Variants in S1PR5 observed in about 807,000 individuals in gnomAD.
The protein encoded by S1PR5 is sphingosine-1-phosphate receptor 5, also known as sphingosine 1-phosphate receptor 5.
For missense variants in S1PR5, 583 were observed against 571.7 expected (o/e 1.02, Z -0.20); for synonymous variants, 307 against 284.7 (o/e 1.08, Z -0.79).
chr19:10,515,276 C>A (rs543887630), intron 1 of S1PR5, among the ~76,000 whole-genome samples: 3 of 152,078 alleles, frequency 2.0e-5, no homozygotes, highest in Admixed American at 1.3e-4. Flanking sequence ...TGGCTGGGCG[C>A]GGTGGTTCAC....
At chr19:10,517,820 C>A (rs1261278688), upstream of S1PR5, 1 of 464,514 alleles carries the variant, frequency 2.2e-6, no homozygotes, top group East Asian at 1.5e-4. Context: ...CATTGCCCAC[C>A]CACCTGTGAA....
rs759766791 is a variant in S1PR5, at chr19:10,514,067, G to T, written c.945C>A (p.His315Gln). Reference protein sequence around the residue: ...IYTLTNRDLRHALLRLVCCGR... With the variant: ...IYTLTNRDLRQALLRLVCCGR... ...CGCAGCAGACCAGGCGCAGGAGCGC[G>T]TGGCGCAGGTCGCGGTTGGTGAGCG... The change falls in exon 2 of 2, where the codon CAC becomes CAA. Residue 315 changes from histidine (H) to glutamine (Q), a missense_variant. Coordinates refer to ENST00000333430, the MANE Select transcript of S1PR5 (RefSeq NM_030760.5). The T allele has an allele frequency of 1.5e-5, 24 of 1,612,372 alleles. No homozygotes were observed. The East Asian group carries it at 4.9e-4, about 33-fold the overall frequency.
At position 10,513,939 on chromosome 19, in the gene S1PR5, C is replaced by T. The variant is rs769745882; in HGVS notation, c.1073G>A (p.Gly358Glu). The T allele has an allele frequency of 1.2e-6, 2 of 1,602,904 alleles. No individual in the cohort carries two copies. Among genetic ancestry groups the T allele is most frequent in the Admixed American group, 1.7e-5 (1 of 58,384 alleles). ...LRRCLPPGLDGSFSGSERSSP... is the reference protein window; with the variant it reads ...LRRCLPPGLDESFSGSERSSP... ...TGAGCGCTCCGAGCCGCTGAAGCTC[C>T]CATCAAGGCCCGGGGGCAGGCAGCG... The change falls in exon 2 of 2, where the codon GGG becomes GAG. Residue 358 changes from glycine to glutamate, a missense_variant. By Grantham distance (98) the Gly-to-Glu change is moderately conservative. Transcript: ENST00000333430.
intron 1 of S1PR5, among the ~76,000 whole-genome samples, chr19:10,516,447 A>G (rs1915439542): frequency 6.6e-6 from 1 of 151,902 alleles, no homozygotes; most frequent in Non-Finnish European, 1.5e-5. Flanking sequence ...CTCTACAAAA[A>G]AATTTAAAAA....
Position 10,514,917 on chromosome 19 carries a change from G to T in S1PR5, c.95C>A (p.Pro32Gln), listed in dbSNP as rs1315399981. The change falls in exon 2 of 2, where the codon CCG becomes CAG. Residue 32 changes from proline to glutamine, a missense_variant. Pro to Gln is a moderately conservative substitution (Grantham distance 76, BLOSUM62 -1). Transcript: ENST00000333430. ...TGKLRGARYQ[P>Q]GAGLRADAVV... ...GGCGTCGGCGCGCAGGCCGGCACCC[G>T]GCTGGTAGCGCGCACCGCGGAGCTT... 1 of 1,610,196 alleles carries T rather than the reference G, an allele frequency of 6.2e-7. No individual in the cohort carries two copies. The highest frequency in any genetic ancestry group is 1.1e-5 in the South Asian group (1 of 90,936).
At chr19:10,515,526 T>A (rs1472594301) in intron 1 of S1PR5, among the ~76,000 whole-genome samples, 1 of 151,878 alleles carries the variant, frequency 6.6e-6, no homozygotes, top group Admixed American at 6.6e-5. Context: ...GGCAGAAGAA[T>A]CATTTGAACC....
Position 10,513,437 on chromosome 19 carries a change from G to A in S1PR5, c.*378C>T. 1 of 484,222 alleles carries A rather than the reference G, an allele frequency of 2.1e-6. No homozygotes were observed. The highest frequency in any genetic ancestry group is 3.6e-6 in the Non-Finnish European group (1 of 278,640). 30.0% of individuals were successfully genotyped at this position (484,222 alleles called of 1,614,324 possible). ...AACACATGGGCACATTTCAGCCTCA[G>A]GGCCTTTGCGCATGCCATTCCCTCA... On this transcript the variant is annotated 3_prime_UTR_variant, in exon 2 of 2. Coordinates refer to ENST00000333430, the MANE Select transcript of S1PR5 (RefSeq NM_030760.5).
chr19:10,515,543 G>A (rs1160781706), intron 1 of S1PR5, among the ~76,000 whole-genome samples: 2 of 152,210 alleles, frequency 1.3e-5, no homozygotes, highest in Non-Finnish European at 2.9e-5. Flanking sequence ...AACCCAGGAG[G>A]CGGAGGTTGC....
Position 10,514,780 on chromosome 19 carries a change from G to A in S1PR5, c.232C>T (p.Leu78Phe). The A allele has an allele frequency of 6.2e-7, 1 of 1,613,202 alleles. No individual in the cohort carries two copies. The highest frequency in any genetic ancestry group is 1.7e-5 in the Admixed American group (1 of 59,932). ...HAPMFLLLGS[L>F]TLSDLLAGAA... Reference sequence around the variant, plus strand: ...CCTGCCAGCAGATCCGACAACGTGAGGCTGCCCAGGAGCAGGAACATGGGA... The same window carrying A: ...CCTGCCAGCAGATCCGACAACGTGAAGCTGCCCAGGAGCAGGAACATGGGA... Residue 78 changes from leucine (L) to phenylalanine (F), a missense_variant, in exon 2 of 2, where the codon CTC (leucine) becomes TTC (phenylalanine). Leu to Phe is a conservative substitution (Grantham distance 22). Transcript: ENST00000333430.
chr19:10,517,425 A>C lies in S1PR5; in HGVS notation c.-46T>G, dbSNP rs1915465295. 1.0e-6 allele frequency: 1 copy of C among 985,486 alleles called. No homozygotes were observed. Among genetic ancestry groups the C allele is most frequent in the Non-Finnish European group, 1.2e-6 (1 of 830,088 alleles). 61.0% of individuals were successfully genotyped at this position (985,486 alleles called of 1,614,324 possible). A position where few individuals can be genotyped will look rare whatever the true frequency, so the allele number is the denominator to read the frequency against. ...TGCGCCCTGGTCGTGCGCCACCCGCAGTCGCGCTGCCTTGAACCGAGTGAG... is the reference window on the plus strand; with the variant it reads ...TGCGCCCTGGTCGTGCGCCACCCGCCGTCGCGCTGCCTTGAACCGAGTGAG... On this transcript the variant is annotated 5_prime_UTR_variant, in exon 1 of 2. Transcript: ENST00000333430.
rs138019257 is a variant in S1PR5, at chr19:10,514,908, C to T, written c.104G>A (p.Gly35Asp). The change falls in exon 2 of 2, where the codon GGC (glycine) becomes GAC (aspartate). Residue 35 changes from glycine (G) to aspartate (D), a missense_variant. Physicochemically the swap from Gly to Asp is moderately conservative, Grantham distance 94 (BLOSUM62 -1). Coordinates refer to ENST00000333430, the MANE Select transcript of S1PR5 (RefSeq NM_030760.5). ...LRGARYQPGA[G>D]LRADAVVCLA... is the part of the protein sequence containing the mutation. ...GCACACCACGGCGTCGGCGCGCAGG[C>T]CGGCACCCGGCTGGTAGCGCGCACC... is the stretch of plus-strand genomic sequence containing the variant. 47 of 1,610,650 alleles carry T rather than the reference C, an allele frequency of 2.9e-5. No homozygotes were observed. Among genetic ancestry groups the T allele is most frequent in the Non-Finnish European group, 3.9e-5 (46 of 1,178,920 alleles).
chr19:10,514,891 C>A lies in S1PR5; in HGVS notation c.121G>T (p.Val41Leu). Residue 41 changes from valine (V) to leucine (L), a missense_variant, in exon 2 of 2, where the codon GTG becomes TTG. Transcript: ENST00000333430. ...AAGGCGCACACCGCCAGGCACACCA[C>A]GGCGTCGGCGCGCAGGCCGGCACCC... ...QPGAGLRADA[V>L]VCLAVCAFIV... 2 of 1,611,666 alleles carry A rather than the reference C, an allele frequency of 1.2e-6. No homozygotes were observed. The highest frequency in any genetic ancestry group is 1.7e-6 in the Non-Finnish European group (2 of 1,179,096).
At chr19:10,517,364 CA>C in intron 1 of S1PR5, 33 bp downstream of exon 1, 1 of 985,410 alleles carries the variant, frequency 1.0e-6, no homozygotes, top group Non-Finnish European at 1.2e-6. Context: ...AGGCCCAGCC[CA>C]GCGCCCCCAA....
At position 10,515,042 on chromosome 19, in the gene S1PR5, C is replaced by G; in HGVS notation, c.-18-13G>C. 6.6e-7 allele frequency: 1 copy of G among 1,519,722 alleles called. No individual in the cohort carries two copies. Among genetic ancestry groups the G allele is most frequent in the South Asian group, 1.3e-5 (1 of 78,538 alleles). 94.1% of individuals were successfully genotyped at this position (1,519,722 alleles called of 1,614,324 possible). The stretch of plus-strand genomic sequence containing the variant: ...GCGCGCCCCAAGGCTGTTGGAGAGG[C>G]AAGATACGGTGTCAGGCCGCGGTCC... On this transcript the variant is annotated splice_polypyrimidine_tract_variant and intron_variant, in intron 1 of 1. Transcript: ENST00000333430.
At chr19:10,516,017 G>A (rs1915430298) in intron 1 of S1PR5, among the ~76,000 whole-genome samples, 1 of 151,980 alleles carries the variant, frequency 6.6e-6, no homozygotes. Context: ...AACACACACA[G>A]AAAGAGACAC....
Position 10,513,690 on chromosome 19 carries a change from C to T in S1PR5, c.*125G>A, listed in dbSNP as rs1915341030. On this transcript the variant is annotated 3_prime_UTR_variant, in exon 2 of 2. Coordinates refer to ENST00000333430, the MANE Select transcript of S1PR5 (RefSeq NM_030760.5). ...TCTGTTTGTTCACATTGTGGGGTGT[C>T]GCTGCATAAATACATTTCCCCTGCA... 2 of 1,336,210 alleles carry T rather than the reference C, an allele frequency of 1.5e-6. No individual in the cohort carries two copies. Among genetic ancestry groups the T allele is most frequent in the African/African-American group, 1.5e-5 (1 of 66,242 alleles). The allele number at this position is 1,336,210 out of a possible 1,614,324, so 82.8% of individuals were successfully genotyped here. A position where few individuals can be genotyped will look rare whatever the true frequency, so the allele number is the denominator to read the frequency against.
In S1PR5 at chr19:10,514,578, ACGGGCG is replaced by A; in HGVS notation, c.428_433del (p.Ala143_Pro144del). 6.3e-7 allele frequency: 1 copy of A among 1,576,920 alleles called. No individual in the cohort carries two copies. Among genetic ancestry groups the A allele is most frequent in the South Asian group, 1.1e-5 (1 of 87,372 alleles). ...CGCCAGCGTGCGCCCCCGACTGGAGACGGGCGCGGGCCCCCTGCGCGCCATGGTGAG... is the reference window on the plus strand; with the variant it reads ...CGCCAGCGTGCGCCCCCGACTGGAGACGGGCCCCCTGCGCGCCATGGTGAG... On this transcript the variant is annotated inframe_deletion, in exon 2 of 2. Coordinates refer to ENST00000333430, the MANE Select transcript of S1PR5 (RefSeq NM_030760.5).
chr19:10,514,327 G>A lies in S1PR5; in HGVS notation c.685C>T (p.Arg229Trp). The change falls in exon 2 of 2, where the codon CGG (arginine) becomes TGG (tryptophan). Residue 229 changes from arginine to tryptophan, a missense_variant. Arg to Trp is a moderately radical substitution (Grantham distance 101). Coordinates refer to ENST00000333430, the MANE Select transcript of S1PR5 (RefSeq NM_030760.5). ...GAGGTGGTCCCCGCAGTCCCGGGCC[G>A]TGCCGGCAGGCGCCGCGCGTTGGCG... ...VRANARRLPA[R>W]PGTAGTTSTR... 2 of 1,563,976 alleles carry A rather than the reference G, an allele frequency of 1.3e-6. No individual in the cohort carries two copies. The highest frequency in any genetic ancestry group is 1.4e-5 in the African/African-American group (1 of 73,812).
upstream of S1PR5, chr19:10,517,525 G>A (rs1015959873): frequency 1.0e-4 from 99 of 985,366 alleles, no homozygotes; most frequent in Middle Eastern, 5.2e-4. Flanking sequence ...GCCGGCGGTC[G>A]CCAGCAGTTG....
Sources: gnomAD v4.1 joint callset for allele counts (sites outside exome capture counted in the v4.1 genomes callset) on GRCh38, gnomAD v4.1.1 for gene constraint, MANE v1.5 for transcripts, NCBI Gene and HGNC (gene_info 2026-07-23, HGNC 2026-07-21) for gene names.